POFUT1: variants seen among roughly 807,000 people sequenced by gnomAD.
POFUT1 encodes the protein GDP-fucose protein O-fucosyltransferase 1.
POFUT1 carries 16 observed loss-of-function variants against 42.4 expected under a neutral mutation model. The observed-to-expected ratio is 0.38, with a 90% confidence interval of 0.26 to 0.57. POFUT1 has a LOEUF of 0.57. Among genes scored for constraint, POFUT1 ranks in the 20% least tolerant of loss-of-function variants. POFUT1 has a pLI of 0.71. For synonymous variants in POFUT1, 206 were observed against 205.4 expected, an observed-to-expected ratio of 1.00 and a Z score of -0.03; for missense variants, 470 against 504.6, an observed-to-expected ratio of 0.93 and a Z score of 0.66.
At chr20:32,213,470 A>G (rs1401952530) in intron 2 of POFUT1, among the ~76,000 whole-genome samples, 1 of 150,078 alleles carries the variant, frequency 6.7e-6, no homozygotes, top group South Asian at 2.1e-4. Context: ...AAAAAAAAAA[A>G]GTAGAAAAAT....
rs6087842 is a variant in POFUT1, at chr20:32,236,174, C to G, written c.*1513C>G. On this transcript the variant is annotated 3_prime_UTR_variant, in exon 7 of 7. Coordinates refer to ENST00000375749, the MANE Select transcript of POFUT1 (RefSeq NM_015352.2). The stretch of plus-strand genomic sequence containing the variant: ...TGCCTGTCCAGACTTGCTCTCAAGC[C>G]TCATCCAGAGAAGGAGCTGCAGATG... 1.3e-5 allele frequency: 2 copies of G among 152,220 alleles called. No individual in the cohort carries two copies. Among genetic ancestry groups the G allele is most frequent in the East Asian group, 3.8e-4 (2 of 5,200 alleles). The allele number at this position is 152,220 out of a possible 1,614,324, so 9.4% of individuals were successfully genotyped here. A position where few individuals can be genotyped will look rare whatever the true frequency, so the allele number is the denominator to read the frequency against.
At position 32,234,691 on chromosome 20, in the gene POFUT1, C is replaced by T. The variant is rs765226682; in HGVS notation, c.*30C>T. The stretch of plus-strand genomic sequence containing the variant: ...GGCCGGAGCACCAGACCCTCTGATC[C>T]TGGAGGGACCAGAGTCTGAGCTGGT... On this transcript the variant is annotated 3_prime_UTR_variant, in exon 7 of 7. Coordinates refer to ENST00000375749, the MANE Select transcript of POFUT1 (RefSeq NM_015352.2). The T allele has an allele frequency of 1.3e-5, 21 of 1,558,216 alleles. No individual in the cohort carries two copies. The highest frequency in any genetic ancestry group is 1.8e-5 in the Non-Finnish European group (21 of 1,148,178).
In POFUT1 at chr20:32,236,572, T is replaced by C. The variant is rs1229068183; in HGVS notation, c.*1911T>C. On this transcript the variant is annotated 3_prime_UTR_variant, in exon 7 of 7. Coordinates refer to ENST00000375749, the MANE Select transcript of POFUT1 (RefSeq NM_015352.2). ...ACCAGAAGTTCTAGCAAAATTCAGTTGTGTTCTGTGAGCTAGCACTTTTTC... is the reference window on the plus strand; with the variant it reads ...ACCAGAAGTTCTAGCAAAATTCAGTCGTGTTCTGTGAGCTAGCACTTTTTC... 6.6e-6 allele frequency: 1 copy of C among 152,198 alleles called. No homozygotes were observed. The highest frequency in any genetic ancestry group is 2.4e-5 in the African/African-American group (1 of 41,446). 9.4% of individuals were successfully genotyped at this position (152,198 alleles called of 1,614,324 possible).
At chr20:32,210,260 C>G (rs1261185573) in intron 2 of POFUT1, 68 bp downstream of exon 2, 1 of 1,549,340 alleles carries the variant, frequency 6.5e-7, no homozygotes, top group African/African-American at 1.4e-5. Context: ...ACACTTAACC[C>G]TCAAGTCCTC....
chr20:32,225,795 GA>G (rs958475688), intron 4 of POFUT1, among the ~76,000 whole-genome samples: 3 of 151,142 alleles, frequency 2.0e-5, no homozygotes, highest in African/African-American at 4.9e-5. Flanking sequence ...AACCACAATT[GA>G]AAAAAAACAA....
chr20:32,212,654 T>C (rs2047335956), intron 2 of POFUT1, among the ~76,000 whole-genome samples: 1 of 152,204 alleles, frequency 6.6e-6, no homozygotes, highest in African/African-American at 2.4e-5. Context: ...GAATCTTGGC[T>C]CACTGCACCC....
At position 32,237,541 on chromosome 20, in the gene POFUT1, G is replaced by T. The variant is rs1185823717; in HGVS notation, c.*2880G>T. On this transcript the variant is annotated 3_prime_UTR_variant, in exon 7 of 7. Transcript: ENST00000375749. Reference sequence around the variant, plus strand: ...AGCAGCCAGGAGGCCAGCATGGCTGGAGAGGCAGGCATAGGCAGGGAACCG... The same window carrying T: ...AGCAGCCAGGAGGCCAGCATGGCTGTAGAGGCAGGCATAGGCAGGGAACCG... 4.2e-6 allele frequency: 1 copy of T among 237,092 alleles called. No individual in the cohort carries two copies. Among genetic ancestry groups the T allele is most frequent in the Admixed American group, 4.6e-5 (1 of 21,646 alleles). The allele number at this position is 237,092 out of a possible 1,614,324, so 14.7% of individuals were successfully genotyped here. A position where few individuals can be genotyped will look rare whatever the true frequency, so the allele number is the denominator to read the frequency against.
chr20:32,215,642 C>A (rs935651031), intron 3 of POFUT1, among the ~76,000 whole-genome samples, 191 bp downstream of exon 3: 1 of 152,218 alleles, frequency 6.6e-6, no homozygotes, highest in Non-Finnish European at 1.5e-5. Context: ...CTTCTCTGAA[C>A]CTTCATTTCT....
chr20:32,229,204 A>G (rs536489036), intron 5 of POFUT1, among the ~76,000 whole-genome samples: 120 of 152,284 alleles, frequency 7.9e-4, no homozygotes, highest in Middle Eastern at 3.4e-3. Context: ...GAGATATAAG[A>G]TTCTATTTTT....
At chr20:32,216,940 A>G (rs1314203882) in intron 4 of POFUT1, 20 of 1,600,770 alleles carry the variant, frequency 1.2e-5, no homozygotes, top group Admixed American at 5.1e-5. Flanking sequence ...GAAAGAGTTC[A>G]TCGGTTGATA....
At position 32,207,917 on chromosome 20, in the gene POFUT1, G is replaced by T. The variant is rs932991722; in HGVS notation, c.-25G>T. 3 of 1,569,756 alleles carry T rather than the reference G, an allele frequency of 1.9e-6. No individual in the cohort carries two copies. Among genetic ancestry groups the T allele is most frequent in the Admixed American group, 1.8e-5 (1 of 56,910 alleles). On this transcript the variant is annotated 5_prime_UTR_variant, in exon 1 of 7. Coordinates refer to ENST00000375749, the MANE Select transcript of POFUT1 (RefSeq NM_015352.2). ...CCTTCCCTCCCCGACTGTGCGCCGC[G>T]GCTGGCTCGGGTTCCCGGGCCGACA...
At chr20:32,228,190 C>A in intron 4 of POFUT1, 73 bp from the exon 5 acceptor site, 1 of 1,305,742 alleles carries the variant, frequency 7.7e-7, no homozygotes, top group Non-Finnish European at 1.1e-6. Context: ...GCAACACCAT[C>A]CTTTTTCCCG....
rs2047465806 is a variant in POFUT1 at position 32,235,578 on chromosome 20, G to GCT, written c.*917_*918insCT. Reference sequence around the variant, plus strand: ...AGCCTTCAGGCCGTATTCTCACGAGGGAACGTTTGCCAAGGCTCTGACCTC... The same window carrying GCT: ...AGCCTTCAGGCCGTATTCTCACGAGGCTGAACGTTTGCCAAGGCTCTGACCTC... On this transcript the variant is annotated 3_prime_UTR_variant, in exon 7 of 7. Transcript: ENST00000375749. 1 of 152,250 alleles carries GCT rather than the reference G, an allele frequency of 6.6e-6. No individual in the cohort carries two copies. The highest frequency in any genetic ancestry group is 2.1e-4 in the South Asian group (1 of 4,832). The allele number at this position is 152,250 out of a possible 1,614,324, so 9.4% of individuals were successfully genotyped here. A position where few individuals can be genotyped will look rare whatever the true frequency, so the allele number is the denominator to read the frequency against.
Position 32,235,931 on chromosome 20 carries a change from T to C in POFUT1, c.*1270T>C, listed in dbSNP as rs2047468004. 1 of 152,270 alleles carries C rather than the reference T, an allele frequency of 6.6e-6. No individual in the cohort carries two copies. Among genetic ancestry groups the C allele is most frequent in the South Asian group, 2.1e-4 (1 of 4,832 alleles). 9.4% of individuals were successfully genotyped at this position (152,270 alleles called of 1,614,324 possible). A position where few individuals can be genotyped will look rare whatever the true frequency, so the allele number is the denominator to read the frequency against. ...TCCTTGCAGTGCCTTCTTCCTTGTT[T>C]ACCTGTGGGAGGAAACACTTTTTTT... On this transcript the variant is annotated 3_prime_UTR_variant, in exon 7 of 7. Coordinates refer to ENST00000375749, the MANE Select transcript of POFUT1 (RefSeq NM_015352.2).
At chr20:32,210,848 G>T (rs778500711) in intron 2 of POFUT1, among the ~76,000 whole-genome samples, 3 of 152,194 alleles carry the variant, frequency 2.0e-5, no homozygotes, top group Non-Finnish European at 2.9e-5. Context: ...TTGATGAATT[G>T]ACTTAATAAT....
chr20:32,233,810 C>T (rs2047455524), intron 6 of POFUT1, among the ~76,000 whole-genome samples: 1 of 152,198 alleles, frequency 6.6e-6, no homozygotes, highest in Admixed American at 6.5e-5. Context: ...GTGTGGAGCT[C>T]TCTGTTCCCC....
intron 4 of POFUT1, among the ~76,000 whole-genome samples, chr20:32,218,391 A>G (rs2047373344): frequency 6.6e-6 from 1 of 152,128 alleles, no homozygotes; most frequent in Non-Finnish European, 1.5e-5. Context: ...CTCCCACCTC[A>G]GCCTCCCAAA....
chr20:32,226,399 T>A (rs1208376218), intron 4 of POFUT1, among the ~76,000 whole-genome samples: 1 of 152,182 alleles, frequency 6.6e-6, no homozygotes, highest in Non-Finnish European at 1.5e-5. Flanking sequence ...TGATACAATT[T>A]ACCCATCTTA....
rs1452949077 is a variant in POFUT1, at chr20:32,237,778, T to A, written c.*3117T>A. The stretch of plus-strand genomic sequence containing the variant: ...AGCAGAGAGACCAGTGCAGGGCTGT[T>A]AACAGGGTTGCAGGCGAGAGACTGG... On this transcript the variant is annotated 3_prime_UTR_variant, in exon 7 of 7. Transcript: ENST00000375749. The A allele has an allele frequency of 3.7e-6, 2 of 534,566 alleles. No homozygotes were observed. The highest frequency in any genetic ancestry group is 3.9e-5 in the African/African-American group (2 of 51,942). 33.1% of individuals were successfully genotyped at this position (534,566 alleles called of 1,614,324 possible).
Sources: gnomAD v4.1 joint callset for allele counts (sites outside exome capture counted in the v4.1 genomes callset) on GRCh38, gnomAD v4.1.1 for gene constraint, MANE v1.5 for transcripts, NCBI Gene and HGNC (gene_info 2026-07-23, HGNC 2026-07-21) for gene names.